CACNA1C: variants seen among roughly 807,000 people sequenced by gnomAD.
The protein encoded by CACNA1C is voltage-dependent L-type calcium channel subunit alpha-1C.
CACNA1C carries 30 observed loss-of-function variants against 229.0 expected under a neutral mutation model. That is an observed-to-expected ratio of 0.13 (90% CI 0.10 to 0.18). The LOEUF is 0.18. Among genes scored for constraint, CACNA1C ranks in the 10% least tolerant of loss-of-function variants. CACNA1C has a pLI of 1.00. For missense variants in CACNA1C, 1,658 were observed against 2,845.0 expected (o/e 0.58, Z 9.49); for synonymous variants, 1,114 against 1,132.5 (o/e 0.98, Z 0.33).
At chr12:2,377,513 G>A (rs970318347) in intron 3 of CACNA1C, among the ~76,000 whole-genome samples, 1 of 152,168 alleles carries the variant, frequency 6.6e-6, no homozygotes. Context: ...GGGATTTAGG[G>A]TTTTGTTTTA....
At chr12:2,636,340 T>TTG (rs1019745135) in intron 30 of CACNA1C, among the ~76,000 whole-genome samples, 3 of 152,188 alleles carry the variant, frequency 2.0e-5, no homozygotes, top group African/African-American at 7.2e-5. Context: ...GTCTGCAATT[T>TTG]TCTCCCAAAC....
At chr12:2,129,060 A>G (rs1565870907) in intron 3 of CACNA1C, among the ~76,000 whole-genome samples, 1 of 152,128 alleles carries the variant, frequency 6.6e-6, no homozygotes, top group Non-Finnish European at 1.5e-5. Flanking sequence ...ACAGCACATC[A>G]CCTTTCCCAC....
chr12:2,172,241 G>T (rs1198087977), intron 3 of CACNA1C, among the ~76,000 whole-genome samples: 1 of 152,170 alleles, frequency 6.6e-6, no homozygotes, highest in Non-Finnish European at 1.5e-5. Flanking sequence ...AGCAACAGGG[G>T]CCCTGGGAGA....
intron 3 of CACNA1C, among the ~76,000 whole-genome samples, chr12:2,241,727 ATTCATGGGGGAATT>A (rs2070384162): frequency 1.3e-5 from 2 of 152,232 alleles, no homozygotes; most frequent in South Asian, 4.2e-4. Context: ...ATCCTTAATC[ATTCATGGGGGAATT>A]TTGTGGAAAG....
intron 3 of CACNA1C, among the ~76,000 whole-genome samples, chr12:2,251,383 G>A (rs1031437701): frequency 3.3e-5 from 5 of 152,210 alleles, no homozygotes; most frequent in East Asian, 1.9e-4. Flanking sequence ...TGGCTGAAGC[G>A]TGTTGAAATC....
At chr12:2,432,086 A>G (rs979065096) in intron 3 of CACNA1C, among the ~76,000 whole-genome samples, 12 of 152,236 alleles carry the variant, frequency 7.9e-5, no homozygotes, top group African/African-American at 2.9e-4. Flanking sequence ...CAAGGAGAAC[A>G]GACCCATTTT....
At chr12:2,408,943 T>C (rs1179933963) in intron 3 of CACNA1C, among the ~76,000 whole-genome samples, 1 of 152,198 alleles carries the variant, frequency 6.6e-6, no homozygotes, top group African/African-American at 2.4e-5. Flanking sequence ...CTCCGTGACA[T>C]CCCCTTCCTC....
chr12:2,641,551 C>T (rs2093696047), intron 30 of CACNA1C: 1 of 605,796 alleles, frequency 1.7e-6, no homozygotes, highest in Admixed American at 2.6e-5. Context: ...CCCTCGGAGT[C>T]CCTTCCAGCT....
intron 5 of CACNA1C, among the ~76,000 whole-genome samples, chr12:2,484,584 C>G (rs1252172138): frequency 1.3e-5 from 2 of 152,136 alleles, no homozygotes; most frequent in African/African-American, 2.4e-5. Flanking sequence ...GTCCCACACC[C>G]ACCGTTCTCT....
At chr12:2,345,199 C>T (rs1360553421) in intron 3 of CACNA1C, among the ~76,000 whole-genome samples, 4 of 151,710 alleles carry the variant, frequency 2.6e-5, no homozygotes, top group Admixed American at 6.6e-5. Context: ...TTGCCAAGTG[C>T]GCAGAGGTGA....
At chr12:2,213,236 G>A (rs755110003) in intron 3 of CACNA1C, among the ~76,000 whole-genome samples, 2 of 152,172 alleles carry the variant, frequency 1.3e-5, no homozygotes, top group Non-Finnish European at 2.9e-5. Context: ...TGAGGTTAAC[G>A]CTTCAGGTCA....
chr12:2,658,018 T>A (rs2095511189), intron 34 of CACNA1C, among the ~76,000 whole-genome samples: 1 of 148,562 alleles, frequency 6.7e-6, no homozygotes, highest in Non-Finnish European at 1.5e-5. Context: ...ACACACACAG[T>A]GGAAGATTTA....
intron 3 of CACNA1C, among the ~76,000 whole-genome samples, chr12:2,130,488 A>G (rs1284017209): frequency 3.2e-5 from 4 of 124,716 alleles, no homozygotes; most frequent in African/African-American, 9.1e-5. Context: ...AGAGTGTGAT[A>G]TTCCCTTTCC....
At chr12:2,543,088 C>T (rs962925701) in intron 9 of CACNA1C, among the ~76,000 whole-genome samples, 2 of 152,176 alleles carry the variant, frequency 1.3e-5, no homozygotes, top group African/African-American at 2.4e-5. Context: ...GGAGTCTTCT[C>T]ACCAGAAGCA....
chr12:2,236,185 G>C (rs893633038), intron 3 of CACNA1C, among the ~76,000 whole-genome samples: 1 of 152,174 alleles, frequency 6.6e-6, no homozygotes, highest in Non-Finnish European at 1.5e-5. Context: ...TTTCAGGTTT[G>C]AATGTGCCCA....
At position 2,696,114 on chromosome 12, in the gene CACNA1C, T is replaced by G. The variant is rs948734406; in HGVS notation, c.*4915T>G. 1 of 152,208 alleles carries G rather than the reference T, an allele frequency of 6.6e-6. No individual in the cohort carries two copies. Among genetic ancestry groups the G allele is most frequent in the Non-Finnish European group, 1.5e-5 (1 of 68,044 alleles). 9.4% of individuals were successfully genotyped at this position (152,208 alleles called of 1,614,324 possible). On this transcript the variant is annotated 3_prime_UTR_variant, in exon 47 of 47. Coordinates refer to ENST00000399655, the MANE Select transcript of CACNA1C (RefSeq NM_000719.7). ...GAGAGAATACTACAATCAACACTTT[T>G]TCCTGGGATGACTTTAAGAGGTTTG... is the stretch of plus-strand genomic sequence containing the variant.
In CACNA1C at chr12:2,653,942, G is replaced by A. The variant is rs1229016143; in HGVS notation, c.4140+42G>A. On this transcript the variant is annotated intron_variant, in intron 33 of 46. Transcript: ENST00000399655. The surrounding 1 kb of genome is among the most constrained non-coding windows in gnomAD (Gnocchi z 4.7). ...CACGGGGCTCCTGGCCTCCCGCTCT[G>A]TCTCTCCCCAGTTCCCAGCACCACA... 1 of 1,535,228 alleles carries A rather than the reference G, an allele frequency of 6.5e-7. No individual in the cohort carries two copies. Among genetic ancestry groups the A allele is most frequent in the Non-Finnish European group, 9.0e-7 (1 of 1,109,686 alleles).
chr12:2,598,771 T>C (rs895812380), intron 21 of CACNA1C, among the ~76,000 whole-genome samples: 1 of 152,148 alleles, frequency 6.6e-6, no homozygotes, highest in Non-Finnish European at 1.5e-5. Context: ...ATGGGGCAGT[T>C]TTTATGTGCC....
chr12:2,556,451 T>C (rs1367981905), intron 10 of CACNA1C, among the ~76,000 whole-genome samples: 2 of 152,216 alleles, frequency 1.3e-5, no homozygotes, highest in African/African-American at 4.8e-5. Flanking sequence ...CTGCAGCTCT[T>C]GGGTGGGGGC....
Sources: allele counts gnomAD v4.1 joint callset (sites outside exome capture counted in the v4.1 genomes callset), GRCh38; gene constraint gnomAD v4.1.1; non-coding constraint Gnocchi (gnomAD v3.1); transcripts MANE v1.5; gene names NCBI Gene and HGNC (gene_info 2026-07-23, HGNC 2026-07-21).